The following UNC80 variants were observed in gnomAD, a reference collection of about 807,000 sequenced individuals.
UNC80 encodes protein unc-80 homolog.
In UNC80, 164 loss-of-function variants were observed where a neutral mutation model predicts 384.6. The ratio of observed to expected loss-of-function variants is 0.43; its 90% CI spans 0.38 to 0.49. The LOEUF (loss-of-function observed/expected upper bound fraction) is 0.49, where lower values mean the gene tolerates loss of function less well. Among genes scored for constraint, UNC80 ranks in the 20% least tolerant of loss-of-function variants. The probability of loss-of-function intolerance (pLI) is 0.00; values close to 1 mark genes in which losing one functional copy is unlikely to be tolerated. For missense variants in UNC80, 3,330 were observed against 4,143.0 expected (o/e 0.80, Z 5.39); for synonymous variants, 1,486 against 1,527.8 (o/e 0.97, Z 0.64).
At chr2:209,807,954 T>A (rs1168395116) in intron 7 of UNC80, among the ~76,000 whole-genome samples, 4 of 152,198 alleles carry the variant, frequency 2.6e-5, no homozygotes. Context: ...AAATGGAGTC[T>A]CTTTCAATAT....
At chr2:209,923,771 C>T (rs2090224392) in intron 35 of UNC80, among the ~76,000 whole-genome samples, 1 of 152,082 alleles carries the variant, frequency 6.6e-6, no homozygotes, top group African/African-American at 2.4e-5. Context: ...GGCATATCTT[C>T]TTTCATCCTT....
chr2:209,897,485 T>G (rs1225895691), intron 28 of UNC80, among the ~76,000 whole-genome samples: 1 of 152,192 alleles, frequency 6.6e-6, no homozygotes, highest in African/African-American at 2.4e-5. Context: ...GGTCCTCCAA[T>G]TTTGTTGTTC....
intron 54 of UNC80, among the ~76,000 whole-genome samples, 159 bp from the exon 55 acceptor site, chr2:209,972,042 G>C (rs1319334064): frequency 6.6e-6 from 1 of 152,200 alleles, no homozygotes; most frequent in South Asian, 2.1e-4. Context: ...TAAAGTATCA[G>C]TTTTGAGTGA....
In UNC80 at chr2:209,965,488, CAG is replaced by C. The variant is rs376455119; in HGVS notation, c.7806-1946_7806-1945del. On this transcript the variant is annotated intron_variant, in intron 51 of 64. Coordinates refer to ENST00000673920, the MANE Select transcript of UNC80 (RefSeq NM_001371986.1). ...AGTTTTTTGTTTTTTTTTTTTTAGA[CAG>C]AGTCTTGCTCTGTCACCCAGGCTAG... Among the ~76,000 whole-genome samples the C allele has an allele frequency of 6.1e-3, 919 of 150,030 alleles. 19 individuals carry two copies. Among genetic ancestry groups the C allele is most frequent in the African/African-American group, 0.021 (871 of 40,876 alleles).
chr2:209,949,716 G>A lies in UNC80; in HGVS notation c.7286+3773G>A, dbSNP rs560682649. Among the ~76,000 whole-genome samples, 59 of 152,242 alleles carry A rather than the reference G, an allele frequency of 3.9e-4. 1 individual carries two copies. Among genetic ancestry groups the A allele is most frequent in the Middle Eastern group, 3.4e-3 (1 of 294 alleles). On this transcript the variant is annotated intron_variant, in intron 47 of 64. Transcript: ENST00000673920. ...TGGTCTTAAACTCCTGACCTCAGGCGATCCACCCGCCTTGGCCTTCCAAAG... is the reference window on the plus strand; with the variant it reads ...TGGTCTTAAACTCCTGACCTCAGGCAATCCACCCGCCTTGGCCTTCCAAAG...
chr2:209,976,222 G>A lies in UNC80; in HGVS notation c.8691G>A (p.Leu2897=), dbSNP rs1395562551. Residue 2897 remains leucine (L), a synonymous_variant, in exon 57 of 65, where the codon CTG becomes CTA. Transcript: ENST00000673920. The surrounding 1 kb of genome is among the most constrained non-coding windows in gnomAD (Gnocchi z 4.3). ...TGGCTCTGCGGAAGGTGGGAGGCCT[G>A]GCCCTTTGGGATTTCCTCGACTTCA... ...KEMALRKVGG[L]ALWDFLDFIV... is the part of the protein sequence containing the mutation. 1.9e-6 allele frequency: 3 copies of A among 1,551,660 alleles called. No homozygotes were observed. The highest frequency in any genetic ancestry group is 1.4e-5 in the African/African-American group (1 of 73,138).
In UNC80 at chr2:209,957,726, G is replaced by T. The variant is rs190052898; in HGVS notation, c.7540G>T (p.Val2514Leu). The T allele has an allele frequency of 1.3e-6, 2 of 1,551,436 alleles. No homozygotes were observed. The highest frequency in any genetic ancestry group is 1.4e-5 in the African/African-American group (1 of 73,124). The change falls in exon 49 of 65, where the codon GTG (valine) becomes TTG (leucine). Residue 2514 changes from valine (V) to leucine (L), a missense_variant. By Grantham distance (32) the Val-to-Leu change is conservative. This residue lies in a region of UNC80 where 1,049 missense variants were observed against 1,488.6 expected (regional missense o/e 0.70). Transcript: ENST00000673920. Reference protein sequence around the residue: ...TTANHTMSSGVNTRYQEQGAK... With the variant: ...TTANHTMSSGLNTRYQEQGAK... ...AGCCAATCACACCATGTCGTCTGGG[G>T]TGAACACCAGGTAATTCACTGCGCC...
chr2:209,955,010 G>A (rs6729366), intron 48 of UNC80, among the ~76,000 whole-genome samples: 6,569 of 152,192 alleles, frequency 0.043, 305 homozygotes, highest in South Asian at 0.14. Context: ...AATGCAAGTG[G>A]GGAAGGTGGA....
rs1212968914 is a variant in UNC80, at chr2:209,998,650, T to C, written c.*3055T>C. On this transcript the variant is annotated 3_prime_UTR_variant, in exon 65 of 65. Coordinates refer to ENST00000673920, the MANE Select transcript of UNC80 (RefSeq NM_001371986.1). ...GCTCTGAGAGTATCTGAGATGAGAATAGGATGTGTGTGGAGGGGCTTTTAG... is the reference window on the plus strand; with the variant it reads ...GCTCTGAGAGTATCTGAGATGAGAACAGGATGTGTGTGGAGGGGCTTTTAG... The C allele has an allele frequency of 6.6e-6, 1 of 152,256 alleles. No homozygotes were observed. Among genetic ancestry groups the C allele is most frequent in the Non-Finnish European group, 1.5e-5 (1 of 68,064 alleles). The allele number at this position is 152,256 out of a possible 1,614,324, so 9.4% of individuals were successfully genotyped here.
chr2:209,805,102 T>C (rs1274344028), intron 7 of UNC80, among the ~76,000 whole-genome samples: 1 of 152,260 alleles, frequency 6.6e-6, no homozygotes, highest in East Asian at 1.9e-4. Context: ...CTTTAGTTCA[T>C]AACTTTTCTC....
intron 21 of UNC80, among the ~76,000 whole-genome samples, chr2:209,848,500 G>T (rs2082310404): frequency 6.6e-6 from 1 of 152,056 alleles, no homozygotes; most frequent in Admixed American, 6.6e-5. Context: ...TGGTTCAATG[G>T]ATGCAAAATA....
At chr2:209,826,125 C>T (rs2080501063) in intron 14 of UNC80, 72 bp downstream of exon 14, 2 of 1,399,114 alleles carry the variant, frequency 1.4e-6, no homozygotes, top group Middle Eastern at 2.0e-4. Flanking sequence ...AGTCCTTTGA[C>T]AATGAGGGTC....
At chr2:209,842,253 G>A in intron 20 of UNC80, 97 bp from the exon 21 acceptor site, 1 of 885,958 alleles carries the variant, frequency 1.1e-6, no homozygotes, top group Non-Finnish European at 1.7e-6. Flanking sequence ...GTATGAAAAT[G>A]AGTAAACAAC....
intron 43 of UNC80, 105 bp downstream of exon 43, chr2:209,939,757 G>A (rs1012931604): frequency 1.9e-6 from 2 of 1,071,022 alleles, no homozygotes; most frequent in South Asian, 2.1e-5. Flanking sequence ...GGGTACATGT[G>A]CTCAACGTGC....
intron 60 of UNC80, 68 bp downstream of exon 60, chr2:209,982,385 C>G: frequency 6.9e-7 from 1 of 1,445,258 alleles, no homozygotes; most frequent in South Asian, 1.4e-5. Flanking sequence ...AAATACACTC[C>G]TGTTATTCTA....
At chr2:209,830,049 A>G (rs994424810) in intron 15 of UNC80, among the ~76,000 whole-genome samples, 3 of 152,268 alleles carry the variant, frequency 2.0e-5, no homozygotes, top group Non-Finnish European at 4.4e-5. Flanking sequence ...ATGCAAATGC[A>G]GCAATGCAAG....
intron 26 of UNC80, among the ~76,000 whole-genome samples, chr2:209,892,374 G>A (rs1321993381): frequency 1.1e-4 from 16 of 152,114 alleles, no homozygotes. Flanking sequence ...GGAGATAAAG[G>A]CTAAAATTCA....
At chr2:209,909,233 A>T (rs950986632) in intron 29 of UNC80, among the ~76,000 whole-genome samples, 2 of 152,168 alleles carry the variant, frequency 1.3e-5, no homozygotes, top group African/African-American at 4.8e-5. Context: ...GAATAGGCAA[A>T]ATTTTATTTA....
intron 4 of UNC80, among the ~76,000 whole-genome samples, chr2:209,781,087 A>G (rs1389991519): frequency 6.6e-6 from 1 of 152,150 alleles, no homozygotes; most frequent in Non-Finnish European, 1.5e-5. Context: ...TGGGGCTTGT[A>G]TAAGACATGG....
Sources: gnomAD v4.1 joint callset for allele counts (sites outside exome capture counted in the v4.1 genomes callset) on GRCh38, gnomAD v4.1.1 for gene constraint, gnomAD v4.1.1 regional missense constraint, Gnocchi (gnomAD v3.1) non-coding constraint, MANE v1.5 for transcripts, NCBI Gene and HGNC (gene_info 2026-07-23, HGNC 2026-07-21) for gene names.